The following KCNIP1 variants were observed in gnomAD, a reference collection of about 807,000 sequenced individuals.
The protein encoded by KCNIP1 is potassium voltage-gated channel interacting protein 1.
A neutral mutation model predicts 33.0 loss-of-function variants in KCNIP1; 18 were observed. That is an observed-to-expected ratio of 0.55 (90% CI 0.38 to 0.81). The LOEUF (loss-of-function observed/expected upper bound fraction) is 0.81. KCNIP1 is among the 30% of genes least tolerant of loss of function. The pLI, the probability that KCNIP1 is intolerant of heterozygous loss-of-function variation, is 0.00. For missense variants in KCNIP1, 238 were observed against 271.6 expected (o/e 0.88, Z 0.87); for synonymous variants, 93 against 98.3 (o/e 0.95, Z 0.32).
intron 1 of KCNIP1, among the ~76,000 whole-genome samples, chr5:170,463,121 A>C (rs1756541283): frequency 6.6e-6 from 1 of 152,200 alleles, no homozygotes; most frequent in South Asian, 2.1e-4. Context: ...ACCTATGAAA[A>C]TAAAAAAAAT....
At chr5:170,615,275 GGCACGTA>G (rs1759322744) in intron 1 of KCNIP1, among the ~76,000 whole-genome samples, 1 of 152,110 alleles carries the variant, frequency 6.6e-6, no homozygotes, top group African/African-American at 2.4e-5. Context: ...CCACAGCCTG[GGCACGTA>G]GCTACTGTGG....
chr5:170,488,596 C>T (rs1757143662), intron 1 of KCNIP1, among the ~76,000 whole-genome samples: 1 of 152,184 alleles, frequency 6.6e-6, no homozygotes, highest in Non-Finnish European at 1.5e-5. Context: ...GGTACAAAGC[C>T]CAGTGCTCCC....
intron 1 of KCNIP1, among the ~76,000 whole-genome samples, chr5:170,581,353 C>A (rs1051328548): frequency 6.6e-6 from 1 of 152,212 alleles, no homozygotes; most frequent in Non-Finnish European, 1.5e-5. Flanking sequence ...CTTCCTACAC[C>A]ACCTGGATCA....
In KCNIP1 at chr5:170,489,518, C is replaced by T. The variant is rs1328083938; in HGVS notation, c.88+135554C>T. Among the ~76,000 whole-genome samples the T allele has an allele frequency of 2.0e-5, 3 of 152,214 alleles. No homozygotes were observed. The highest frequency in any genetic ancestry group is 7.2e-5 in the African/African-American group (3 of 41,448). ...TTTCTCCATATTGCTAGACCCCCTT[C>T]TCTTGGTCCCCTGCCTCCTCCCACT... On this transcript the variant is annotated intron_variant, in intron 1 of 7. Coordinates refer to the KCNIP1 transcript ENST00000377360. The surrounding 1 kb of genome is among the most constrained non-coding windows in gnomAD (Gnocchi z 4.3).
chr5:170,515,952 C>T (rs1755104173), intron 1 of KCNIP1, among the ~76,000 whole-genome samples: 1 of 152,106 alleles, frequency 6.6e-6, no homozygotes, highest in Non-Finnish European at 1.5e-5. Flanking sequence ...AAGTTCTAGG[C>T]AGAAGGAACA....
intron 1 of KCNIP1, among the ~76,000 whole-genome samples, chr5:170,386,686 G>GTTT (rs1383099188): frequency 2.8e-5 from 4 of 143,930 alleles, no homozygotes; most frequent in African/African-American, 1.0e-4. Flanking sequence ...ATATTCCGGT[G>GTTT]TTTTTTTTTT....
At chr5:170,439,545 G>A (rs1353765244) in intron 1 of KCNIP1, among the ~76,000 whole-genome samples, 1 of 152,208 alleles carries the variant, frequency 6.6e-6, no homozygotes, top group African/African-American at 2.4e-5. Flanking sequence ...TCCACACGTA[G>A]GAGGCTGGAT....
At chr5:170,598,797 G>T (rs1581380121) in intron 1 of KCNIP1, among the ~76,000 whole-genome samples, 1 of 152,192 alleles carries the variant, frequency 6.6e-6, no homozygotes, top group African/African-American at 2.4e-5. Flanking sequence ...AGGGGCAGGA[G>T]CTTCCTGTCA....
intron 1 of KCNIP1, among the ~76,000 whole-genome samples, chr5:170,541,194 T>G (rs2113379865): frequency 6.6e-6 from 1 of 152,330 alleles, no homozygotes; most frequent in Admixed American, 6.5e-5. Flanking sequence ...AAGGATGACC[T>G]CTGAGGTCCC....
chr5:170,458,084 C>G (rs1279059890), intron 1 of KCNIP1, among the ~76,000 whole-genome samples: 1 of 152,088 alleles, frequency 6.6e-6, no homozygotes, highest in African/African-American at 2.4e-5. Context: ...ATTGAACACG[C>G]TGAAGAAAGA....
At chr5:170,468,335 T>C (rs1360601272) in intron 1 of KCNIP1, among the ~76,000 whole-genome samples, 8 of 152,224 alleles carry the variant, frequency 5.3e-5, no homozygotes, top group Non-Finnish European at 1.0e-4. Context: ...ATTAAAAACA[T>C]TTGTAAATGA....
At chr5:170,461,866 G>T (rs1303868743) in intron 1 of KCNIP1, among the ~76,000 whole-genome samples, 1 of 152,138 alleles carries the variant, frequency 6.6e-6, no homozygotes, top group African/African-American at 2.4e-5. Context: ...AGTGGGGAAA[G>T]GACACCTCAT....
intron 1 of KCNIP1, among the ~76,000 whole-genome samples, chr5:170,433,791 G>A (rs1041614773): frequency 4.6e-5 from 7 of 152,108 alleles, no homozygotes; most frequent in Non-Finnish European, 8.8e-5. Context: ...AACGTTTACC[G>A]AAACCCTTAT....
chr5:170,732,810 A>C lies in KCNIP1; in HGVS notation c.446A>C (p.Asp149Ala), dbSNP rs1327293406. 1 of 1,610,062 alleles carries C rather than the reference A, an allele frequency of 6.2e-7. No individual in the cohort carries two copies. The highest frequency in any genetic ancestry group is 8.5e-7 in the Non-Finnish European group (1 of 1,176,322). Residue 149 changes from aspartate (D) to alanine (A), a missense_variant, in exon 6 of 8, where the codon GAC (aspartate) becomes GCC (alanine). Transcript: ENST00000328939. ...DGYINKEEMM[D>A]IVKAIYDMMG... Reference sequence around the variant, plus strand: ...ATGTCCCTGCTCCAGGAGATGATGGACATTGTCAAAGCCATCTATGACATG... The same window carrying C: ...ATGTCCCTGCTCCAGGAGATGATGGCCATTGTCAAAGCCATCTATGACATG...
At chr5:170,569,166 C>T (rs1757309410) in intron 1 of KCNIP1, among the ~76,000 whole-genome samples, 1 of 152,178 alleles carries the variant, frequency 6.6e-6, no homozygotes, top group African/African-American at 2.4e-5. Flanking sequence ...GGTAGACAGA[C>T]CTCTTTAGCA....
Position 170,504,658 on chromosome 5 carries a change from C to A in KCNIP1, c.61+25C>A, listed in dbSNP as rs776060453. On this transcript the variant is annotated intron_variant, in intron 1 of 7. Coordinates refer to ENST00000328939, the MANE Select transcript of KCNIP1 (RefSeq NM_014592.4). The surrounding 1 kb of genome is among the most constrained non-coding windows in gnomAD (Gnocchi z 6.0). ...GGTAAGCCACCTTCTTCCTTTTGTT[C>A]CCCTGTCTGGGCTTGGGGGTGCTAG... 3 of 1,600,494 alleles carry A rather than the reference C, an allele frequency of 1.9e-6. No homozygotes were observed. Among genetic ancestry groups the A allele is most frequent in the Non-Finnish European group, 8.6e-7 (1 of 1,167,944 alleles).
chr5:170,658,351 G>T (rs1761350058), intron 1 of KCNIP1, among the ~76,000 whole-genome samples: 2 of 152,158 alleles, frequency 1.3e-5, no homozygotes, highest in African/African-American at 4.8e-5. Context: ...TGGTGAGGGG[G>T]CTGAGTGCAC....
chr5:170,586,359 G>A (rs760393951), intron 1 of KCNIP1, among the ~76,000 whole-genome samples: 60 of 152,296 alleles, frequency 3.9e-4, no homozygotes, highest in Non-Finnish European at 7.1e-4. Context: ...TGATGGTGAC[G>A]ATGATGATGA....
At chr5:170,712,197 C>A (rs1763472231) in intron 1 of KCNIP1, among the ~76,000 whole-genome samples, 1 of 152,110 alleles carries the variant, frequency 6.6e-6, no homozygotes, top group East Asian at 1.9e-4. Context: ...GGGGACTTGG[C>A]CGGCATCCAC....
Sources: gnomAD v4.1 joint callset for allele counts (sites outside exome capture counted in the v4.1 genomes callset) on GRCh38, gnomAD v4.1.1 for gene constraint, Gnocchi (gnomAD v3.1) non-coding constraint, MANE v1.5 for transcripts, NCBI Gene and HGNC (gene_info 2026-07-23, HGNC 2026-07-21) for gene names.